UGT8: variants seen among roughly 807,000 people sequenced by gnomAD.
UGT8 encodes the protein UDP glycosyltransferase 8.
UGT8 carries 12 observed loss-of-function variants against 40.5 expected under a neutral mutation model. That is an observed-to-expected ratio of 0.30 (90% confidence interval 0.19 to 0.48). UGT8 has a LOEUF of 0.48. Among genes scored for constraint, UGT8 ranks in the 20% least tolerant of loss-of-function variants. The pLI is 0.99. For synonymous variants in UGT8, 224 were observed against 240.4 expected (o/e 0.93, Z 0.63); for missense variants, 513 against 648.7 (o/e 0.79, Z 2.27).
intron 2 of UGT8, among the ~76,000 whole-genome samples, chr4:114,659,532 G>C (rs923725077): frequency 1.3e-5 from 2 of 152,068 alleles, no homozygotes; most frequent in East Asian, 3.9e-4. Flanking sequence ...GAAGTAGTCC[G>C]GGATTGGGCA....
chr4:114,632,419 G>A (rs78489354), intron 2 of UGT8, among the ~76,000 whole-genome samples: 1 of 152,134 alleles, frequency 6.6e-6, no homozygotes, highest in Non-Finnish European at 1.5e-5. Context: ...TTCAAATGCA[G>A]GAGGGGAAAC....
At chr4:114,671,547 A>G (rs1284620580) in intron 5 of UGT8, among the ~76,000 whole-genome samples, 4 of 152,200 alleles carry the variant, frequency 2.6e-5, no homozygotes, top group Non-Finnish European at 2.9e-5. Context: ...CTGATCTTCT[A>G]CAAACCTGCC....
chr4:114,671,591 A>G (rs146457718), intron 5 of UGT8, among the ~76,000 whole-genome samples: 16,162 of 152,258 alleles, frequency 0.11, 1,249 homozygotes, highest in Non-Finnish European at 0.14. Context: ...TCTCCTATTC[A>G]GTAAATGGTG....
At chr4:114,601,055 C>G (rs1199129385) in intron 1 of UGT8, among the ~76,000 whole-genome samples, 2 of 152,166 alleles carry the variant, frequency 1.3e-5, no homozygotes, top group African/African-American at 4.8e-5. Flanking sequence ...AACTATACTT[C>G]TGACTTTTTC....
intron 2 of UGT8, among the ~76,000 whole-genome samples, chr4:114,628,897 G>A (rs566403787): frequency 1.5e-4 from 23 of 150,958 alleles, no homozygotes; most frequent in South Asian, 6.4e-4. Flanking sequence ...TATTAGATTA[G>A]CCACTTGTGA....
intron 3 of UGT8, 133 bp from the exon 4 acceptor site, chr4:114,665,547 C>G (rs974703121): frequency 1.6e-6 from 2 of 1,264,378 alleles, no homozygotes; most frequent in Admixed American, 7.2e-5. Context: ...GTTACCAAAG[C>G]ATGGTTTCAT....
At chr4:114,650,082 C>A (rs893115683) in intron 2 of UGT8, among the ~76,000 whole-genome samples, 2 of 152,118 alleles carry the variant, frequency 1.3e-5, no homozygotes, top group Admixed American at 6.5e-5. Flanking sequence ...TCTGCAATTG[C>A]CCTGAGGACT....
rs559798987 is a variant in UGT8 at position 114,674,265 on chromosome 4, G to A, written c.1263-1660G>A. On this transcript the variant is annotated intron_variant, in intron 5 of 5. Transcript: ENST00000310836. ...GTAATCATTTCCAGCAGCATGTCCC[G>A]TGTTCTGTGTTACTGTGTCCTGTTA... is the stretch of plus-strand genomic sequence containing the variant. Among the ~76,000 whole-genome samples the A allele has an allele frequency of 2.3e-4, 35 of 152,050 alleles. No homozygotes were observed. In the South Asian group the frequency reaches 7.3e-3, roughly 32 times the overall value.
chr4:114,614,425 G>A (rs933191568), intron 1 of UGT8, among the ~76,000 whole-genome samples: 1 of 152,006 alleles, frequency 6.6e-6, no homozygotes, highest in African/African-American at 2.4e-5. Context: ...TTTTTCATAA[G>A]ATGGCATACT....
At chr4:114,604,274 A>C (rs1200070481) in intron 1 of UGT8, among the ~76,000 whole-genome samples, 1 of 152,192 alleles carries the variant, frequency 6.6e-6, no homozygotes, top group Admixed American at 6.5e-5. Context: ...TATACATTTT[A>C]GTATTAGCTG....
Position 114,676,270 on chromosome 4 carries a change from T to C in UGT8, c.1608T>C (p.His536=), listed in dbSNP as rs529582739. The C allele has an allele frequency of 9.4e-6, 15 of 1,587,636 alleles. No homozygotes were observed. The East Asian group carries it at 1.6e-4, about 17-fold the overall frequency. Reference sequence around the variant, plus strand: ...ACAAAAGAAATGGCCATATTAAACATGAAAAGAAAGTGAAATGAGCCAACA... The same window carrying C: ...ACAAAAGAAATGGCCATATTAAACACGAAAAGAAAGTGAAATGAGCCAACA... ...GKYKRNGHIK[H]EKKVK The change falls in exon 6 of 6, where the codon CAT becomes CAC. Residue 536 remains histidine, a synonymous_variant. Coordinates refer to ENST00000310836, the MANE Select transcript of UGT8 (RefSeq NM_001128174.3).
intron 2 of UGT8, among the ~76,000 whole-genome samples, chr4:114,645,085 A>G (rs1733484520): frequency 6.6e-6 from 1 of 152,206 alleles, no homozygotes; most frequent in Admixed American, 6.5e-5. Context: ...AAATATAAGG[A>G]AACTTTGAGG....
chr4:114,647,356 T>TTGTGTGTGTGTG (rs34575248), intron 2 of UGT8, among the ~76,000 whole-genome samples: 62 of 143,286 alleles, frequency 4.3e-4, no homozygotes, highest in African/African-American at 1.1e-3. Context: ...ATTAGCTCTT[T>TTGTGTGTGTGTG]TGTGTGTGTG....
intron 2 of UGT8, among the ~76,000 whole-genome samples, chr4:114,646,783 T>G (rs1275089189): frequency 1.3e-5 from 2 of 152,226 alleles, no homozygotes; most frequent in African/African-American, 4.8e-5. Flanking sequence ...TTGATATGCC[T>G]AGAAATGACA....
At chr4:114,654,298 A>G (rs1225030313) in intron 2 of UGT8, among the ~76,000 whole-genome samples, 1 of 151,952 alleles carries the variant, frequency 6.6e-6, no homozygotes, top group Non-Finnish European at 1.5e-5. Flanking sequence ...GAAAAAAAAA[A>G]TGTTAGGGAC....
At chr4:114,608,917 C>T (rs1003939128) in intron 1 of UGT8, among the ~76,000 whole-genome samples, 1 of 152,172 alleles carries the variant, frequency 6.6e-6, no homozygotes, top group Non-Finnish European at 1.5e-5. Context: ...CTCCCCACTT[C>T]CCCATAGACC....
intron 2 of UGT8, among the ~76,000 whole-genome samples, chr4:114,663,066 A>G (rs13148024): frequency 0.89 from 134,250 of 151,692 alleles, 61,078 homozygotes; most frequent in East Asian, 1. Context: ...CTCATGATGC[A>G]CCTGCCTTGG....
chr4:114,623,273 A>C lies in UGT8; in HGVS notation c.393A>C (p.Lys131Asn), dbSNP rs1475953902. 1 of 1,614,062 alleles carries C rather than the reference A, an allele frequency of 6.2e-7. No homozygotes were observed. Among genetic ancestry groups the C allele is most frequent in the African/African-American group, 1.3e-5 (1 of 74,904 alleles). Residue 131 changes from lysine to asparagine, a missense_variant, in exon 2 of 6, where the codon AAA becomes AAC. Physicochemically the swap from Lys to Asn is moderately conservative, Grantham distance 94 (BLOSUM62 0). Coordinates refer to ENST00000310836, the MANE Select transcript of UGT8 (RefSeq NM_001128174.3). ...TGATCCAGGGTCTGAAGAAAGAAAA[A>C]TTTGACCTGCTGCTGGTGGACCCTA... Reference protein sequence around the residue: ...HALIQGLKKEKFDLLLVDPND... With the variant: ...HALIQGLKKENFDLLLVDPND...
chr4:114,619,561 A>G (rs548049773), intron 1 of UGT8: 6 of 152,222 alleles, frequency 3.9e-5, no homozygotes, highest in South Asian at 2.1e-4. Context: ...ACATGTATAT[A>G]TTTTGCAAAG....
Sources: gnomAD v4.1 joint callset for allele counts (sites outside exome capture counted in the v4.1 genomes callset) on GRCh38, gnomAD v4.1.1 for gene constraint, MANE v1.5 for transcripts, NCBI Gene and HGNC (gene_info 2026-07-23, HGNC 2026-07-21) for gene names.